IFRD1: variants seen among roughly 807,000 people sequenced by gnomAD.
IFRD1 encodes interferon-related developmental regulator 1.
IFRD1 carries 35 observed loss-of-function variants against 52.9 expected under a neutral mutation model. The observed-to-expected ratio is 0.66, with a 90% confidence interval of 0.51 to 0.88. The LOEUF (loss-of-function observed/expected upper bound fraction) is 0.88, where lower values mean the gene tolerates loss of function less well. IFRD1 is among the 40% of genes least tolerant of loss of function. IFRD1 has a pLI of 0.00. For synonymous variants in IFRD1, 184 were observed against 188.4 expected, an observed-to-expected ratio of 0.98 and a Z score of 0.19; for missense variants, 517 against 550.8, an observed-to-expected ratio of 0.94 and a Z score of 0.61.
chr7:112,456,673 A>G (rs1173643432), intron 3 of IFRD1, among the ~76,000 whole-genome samples: 1 of 152,214 alleles, frequency 6.6e-6, no homozygotes, highest in Non-Finnish European at 1.5e-5. Flanking sequence ...TAAGCATTTA[A>G]AGTTGTGGCT....
At chr7:112,454,857 G>GT (rs398005875) in intron 1 of IFRD1, among the ~76,000 whole-genome samples, 3,784 of 78,774 alleles carry the variant, frequency 0.048, 479 homozygotes, top group South Asian at 0.077. Flanking sequence ...CTTCATATCA[G>GT]TTTTTTTTTT....
At chr7:112,474,116 A>T (rs1420310792) in intron 11 of IFRD1, among the ~76,000 whole-genome samples, 1 of 152,078 alleles carries the variant, frequency 6.6e-6, no homozygotes, top group Non-Finnish European at 1.5e-5. Context: ...CATTGTATGG[A>T]TATATATCAC....
chr7:112,472,466 C>A, intron 10 of IFRD1, 119 bp downstream of exon 10: 1 of 1,111,870 alleles, frequency 9.0e-7, no homozygotes, highest in Non-Finnish European at 1.4e-6. Flanking sequence ...TGTTAGAAAA[C>A]AGTAAACTTG....
chr7:112,435,655 T>TGTGC (rs775779479), intron 1 of IFRD1: 1 of 149,142 alleles, frequency 6.7e-6, no homozygotes, highest in Non-Finnish European at 1.5e-5. Flanking sequence ...TGTGTGTGTG[T>TGTGC]GCGTGCTTGT....
At chr7:112,460,917 C>G (rs1319227158) in intron 5 of IFRD1, among the ~76,000 whole-genome samples, 1 of 152,042 alleles carries the variant, frequency 6.6e-6, no homozygotes, top group Admixed American at 6.5e-5. Flanking sequence ...ATTACAAATT[C>G]TATTTTTATA....
intron 1 of IFRD1, among the ~76,000 whole-genome samples, chr7:112,440,120 G>T (rs1442226801): frequency 6.6e-6 from 1 of 152,058 alleles, no homozygotes; most frequent in Non-Finnish European, 1.5e-5. Flanking sequence ...AGAGTAGCTG[G>T]GACTACAGGC....
At chr7:112,456,697 A>C (rs867925262) in intron 3 of IFRD1, among the ~76,000 whole-genome samples, 30 of 152,228 alleles carry the variant, frequency 2.0e-4, no homozygotes, top group African/African-American at 7.0e-4. Flanking sequence ...AAACTAAGAA[A>C]AATGCCATGA....
upstream of IFRD1, among the ~76,000 whole-genome samples, chr7:112,448,959 GA>G (rs1795088161): frequency 6.6e-6 from 1 of 152,232 alleles, no homozygotes; most frequent in Non-Finnish European, 1.5e-5. Context: ...TTTGGCTGAA[GA>G]ACAAGAACTG....
intron 5 of IFRD1, chr7:112,461,524 A>G (rs534928748): frequency 1.2e-5 from 2 of 168,914 alleles, no homozygotes; most frequent in Non-Finnish European, 1.2e-5. Context: ...AAATGATTCA[A>G]TAATTTAAAT....
chr7:112,450,130 C>A (rs1386048132), upstream of IFRD1: 1 of 161,958 alleles, frequency 6.2e-6, no homozygotes, highest in African/African-American at 2.4e-5. Flanking sequence ...TCACCCAGTT[C>A]CAAGGCGGGG....
At chr7:112,452,572 TTGAAAGTTATAATGATGTTAGTAA>T (rs1795191758) in intron 1 of IFRD1, 1 of 425,672 alleles carries the variant, frequency 2.3e-6, no homozygotes, top group Non-Finnish European at 3.1e-6. Context: ...AAGCTAAAGT[TTGAAAGTTATAATGATGTTAGTAA>T]TGGCCTAGAT....
Position 112,450,498 on chromosome 7 carries a change from T to C in IFRD1, c.-191T>C, listed in dbSNP as rs1011979691. On this transcript the variant is annotated 5_prime_UTR_variant, in exon 1 of 12. Transcript: ENST00000403825. ...CGCTAGAGAGAAACATGTATCGTTT[T>C]CGATCACAGCTCTTCACGGGGATTT... The C allele has an allele frequency of 3.2e-6, 2 of 626,380 alleles. No homozygotes were observed. The highest frequency in any genetic ancestry group is 2.5e-5 in the Admixed American group (1 of 39,354). The allele number at this position is 626,380 out of a possible 1,614,324, so 38.8% of individuals were successfully genotyped here.
chr7:112,442,290 T>C (rs1794909423), intron 1 of IFRD1, among the ~76,000 whole-genome samples: 1 of 152,226 alleles, frequency 6.6e-6, no homozygotes, highest in South Asian at 2.1e-4. Flanking sequence ...AGCCAAAAGA[T>C]CTTCCCTTGC....
intron 5 of IFRD1, among the ~76,000 whole-genome samples, chr7:112,460,443 G>GT (rs1349320227): frequency 6.6e-6 from 1 of 151,614 alleles, no homozygotes; most frequent in Non-Finnish European, 1.5e-5. Flanking sequence ...GGGTCTTGCT[G>GT]TATTGCCCAG....
At chr7:112,470,773 T>C (rs375140880) in intron 9 of IFRD1, among the ~76,000 whole-genome samples, 1 of 152,222 alleles carries the variant, frequency 6.6e-6, no homozygotes, top group Non-Finnish European at 1.5e-5. Context: ...AGATTACTTA[T>C]AATACCTAAT....
Position 112,475,860 on chromosome 7 carries a change from A to T in IFRD1, c.*341A>T, listed in dbSNP as rs1795887866. On this transcript the variant is annotated 3_prime_UTR_variant, in exon 12 of 12. Transcript: ENST00000403825. Reference sequence around the variant, plus strand: ...GAATACTGATTTACTATAATGATATATACATGCAAGATATTTAACTTAATA... The same window carrying T: ...GAATACTGATTTACTATAATGATATTTACATGCAAGATATTTAACTTAATA... 1 of 207,336 alleles carries T rather than the reference A, an allele frequency of 4.8e-6. No homozygotes were observed. Among genetic ancestry groups the T allele is most frequent in the African/African-American group, 2.4e-5 (1 of 42,344 alleles). 12.8% of individuals were successfully genotyped at this position (207,336 alleles called of 1,614,324 possible). A position where few individuals can be genotyped will look rare whatever the true frequency, so the allele number is the denominator to read the frequency against.
rs201937029 is a variant in IFRD1 at position 112,461,996 on chromosome 7, A to G, written c.619-5A>G. The G allele has an allele frequency of 2.2e-3, 3,616 of 1,609,074 alleles. 33 individuals carry two copies. Among genetic ancestry groups the G allele is most frequent in the Middle Eastern group, 0.011 (69 of 6,040 alleles). On this transcript the variant is annotated splice_region_variant and splice_polypyrimidine_tract_variant and intron_variant, in intron 6 of 11. Coordinates refer to ENST00000403825, the MANE Select transcript of IFRD1 (RefSeq NM_001550.4). ...GTTATCTTACTTCATATTCTTATGCATTAGGAACTATACTCAACTCTGGAA... is the reference window on the plus strand; with the variant it reads ...GTTATCTTACTTCATATTCTTATGCGTTAGGAACTATACTCAACTCTGGAA...
chr7:112,435,008 C>T (rs1469989587), intron 1 of IFRD1, among the ~76,000 whole-genome samples: 1 of 152,164 alleles, frequency 6.6e-6, no homozygotes, highest in Non-Finnish European at 1.5e-5. Flanking sequence ...TTAAAAACTT[C>T]TTCTGAGAGG....
chr7:112,456,028 A>G lies in IFRD1; in HGVS notation c.226A>G (p.Thr76Ala), dbSNP rs777082788. The change falls in exon 3 of 12, where the codon ACT becomes GCT. Residue 76 changes from threonine to alanine, a missense_variant. Coordinates refer to ENST00000403825, the MANE Select transcript of IFRD1 (RefSeq NM_001550.4). Reference protein sequence around the residue: ...DGPEVLDEEGTQEDLEYKLKG... With the variant: ...DGPEVLDEEGAQEDLEYKLKG... Reference sequence around the variant, plus strand: ...ACCAGAAGTCCTTGATGAGGAAGGAACTCAAGAAGACCTAGAGTACAAGTT... The same window carrying G: ...ACCAGAAGTCCTTGATGAGGAAGGAGCTCAAGAAGACCTAGAGTACAAGTT... The G allele has an allele frequency of 6.2e-7, 1 of 1,608,188 alleles. No homozygotes were observed. Among genetic ancestry groups the G allele is most frequent in the Non-Finnish European group, 8.5e-7 (1 of 1,174,686 alleles).
Sources: allele counts gnomAD v4.1 joint callset (sites outside exome capture counted in the v4.1 genomes callset), GRCh38; gene constraint gnomAD v4.1.1; transcripts MANE v1.5; gene names NCBI Gene and HGNC (gene_info 2026-07-23, HGNC 2026-07-21).